VSX2: variants seen among roughly 807,000 people sequenced by gnomAD.
VSX2 encodes the protein ceh-10 homeo domain containing homolog.
Under a neutral mutation model 32.1 loss-of-function variants are expected in VSX2, and 28 were observed. That is an observed-to-expected ratio of 0.87 (90% CI 0.65 to 1.20). VSX2 has a LOEUF of 1.20. Among genes scored for constraint, VSX2 ranks in the 50% most tolerant of loss-of-function variants. VSX2 has a pLI of 0.00. For synonymous variants in VSX2, 243 were observed against 214.1 expected (o/e 1.14, Z -1.18); for missense variants, 506 against 488.7 (o/e 1.04, Z -0.33).
Position 74,256,130 on chromosome 14 carries a change from A to AT in VSX2, c.580-3470dup, listed in dbSNP as rs1338570933. Reference sequence around the variant, plus strand: ...TGCAAAAGTCATTGCGGTTTTTGCCATTGAAAGTAATTACTTTTGGCCAGG... The same window carrying AT: ...TGCAAAAGTCATTGCGGTTTTTGCCATTTGAAAGTAATTACTTTTGGCCAGG... On this transcript the variant is annotated intron_variant, in intron 3 of 4. Coordinates refer to ENST00000261980, the MANE Select transcript of VSX2 (RefSeq NM_182894.3). Among the ~76,000 whole-genome samples the AT allele has an allele frequency of 8.5e-5, 13 of 152,092 alleles. 1 individual carries two copies. Among genetic ancestry groups the AT allele is most frequent in the Middle Eastern group, 6.3e-3 (2 of 316 alleles).
In VSX2 at chr14:74,261,045, C is replaced by G; in HGVS notation, c.*126C>G. The G allele has an allele frequency of 5.3e-6, 6 of 1,132,456 alleles. No homozygotes were observed. The highest frequency in any genetic ancestry group is 7.6e-6 in the Non-Finnish European group (6 of 790,974). The allele number at this position is 1,132,456 out of a possible 1,614,324, so 70.2% of individuals were successfully genotyped here. A position where few individuals can be genotyped will look rare whatever the true frequency, so the allele number is the denominator to read the frequency against. On this transcript the variant is annotated 3_prime_UTR_variant, in exon 5 of 5. Coordinates refer to ENST00000261980, the MANE Select transcript of VSX2 (RefSeq NM_182894.3). ...GCCATCCTCCCTGTTCCCCACAGGT[C>G]CTCCATCACCCCTGGTGGCTGCAGG...
intron 3 of VSX2, among the ~76,000 whole-genome samples, chr14:74,247,009 G>A (rs2079196484): frequency 6.6e-6 from 1 of 152,136 alleles, no homozygotes; most frequent in African/African-American, 2.4e-5. Context: ...AGAACCAGCA[G>A]GAAGGAGCTT....
chr14:74,244,912 GTGTGTGTGTGTGTGTGTGAA>G (rs2079176124), intron 2 of VSX2, among the ~76,000 whole-genome samples: 4 of 118,108 alleles, frequency 3.4e-5, no homozygotes, highest in Admixed American at 8.7e-5. Context: ...GTGTGTGTGT[GTGTGTGTGTGTGTGTGTGAA>G]AGAGAGAGAG....
intron 3 of VSX2, among the ~76,000 whole-genome samples, chr14:74,250,203 C>T (rs1170183907): frequency 6.6e-6 from 1 of 151,694 alleles, no homozygotes; most frequent in Admixed American, 6.6e-5. Flanking sequence ...TGCTACTGCA[C>T]CTCAGCCTGG....
chr14:74,261,075 G>T lies in VSX2; in HGVS notation c.*156G>T. On this transcript the variant is annotated 3_prime_UTR_variant, in exon 5 of 5. Transcript: ENST00000261980. ...ATCACCCCTGGTGGCTGCAGGCACC[G>T]CTGGGTTCTGACTCTGGACCATGCT... is the stretch of plus-strand genomic sequence containing the variant. 1.2e-6 allele frequency: 1 copy of T among 829,752 alleles called. No homozygotes were observed. The highest frequency in any genetic ancestry group is 1.9e-6 in the Non-Finnish European group (1 of 530,238). The allele number at this position is 829,752 out of a possible 1,614,324, so 51.4% of individuals were successfully genotyped here. A position where few individuals can be genotyped will look rare whatever the true frequency, so the allele number is the denominator to read the frequency against.
Position 74,245,963 on chromosome 14 carries a change from T to C in VSX2, c.579+675T>C, listed in dbSNP as rs114173736. Among the ~76,000 whole-genome samples the C allele has an allele frequency of 3.2e-3, 480 of 152,356 alleles. 4 individuals carry two copies. The highest frequency in any genetic ancestry group is 0.011 in the African/African-American group (454 of 41,582). On this transcript the variant is annotated intron_variant, in intron 3 of 4. Coordinates refer to ENST00000261980, the MANE Select transcript of VSX2 (RefSeq NM_182894.3). ...GCAGTTTTGTGGCATAACTAGCCACTGATCTGGGCATGTGGTAGGCATGGG... is the reference window on the plus strand; with the variant it reads ...GCAGTTTTGTGGCATAACTAGCCACCGATCTGGGCATGTGGTAGGCATGGG...
intron 1 of VSX2, among the ~76,000 whole-genome samples, chr14:74,240,350 C>A (rs1273338650): frequency 6.6e-6 from 1 of 152,192 alleles, no homozygotes; most frequent in Non-Finnish European, 1.5e-5. Flanking sequence ...CCGGCTCCGG[C>A]CCCATCCCTG....
intron 3 of VSX2, among the ~76,000 whole-genome samples, chr14:74,256,817 G>T (rs2079266386): frequency 6.6e-6 from 1 of 151,778 alleles, no homozygotes; most frequent in African/African-American, 2.4e-5. Context: ...GGGATTACAG[G>T]TGTGCGCCAC....
At chr14:74,244,916 GTGTGT>G (rs2079176431) in intron 2 of VSX2, among the ~76,000 whole-genome samples, 5 of 110,344 alleles carry the variant, frequency 4.5e-5, no homozygotes, top group South Asian at 3.1e-4. Flanking sequence ...GTGTGTGTGT[GTGTGT>G]GTGTGTGTGA....
chr14:74,253,213 C>G (rs904833343), intron 3 of VSX2, among the ~76,000 whole-genome samples: 1 of 152,078 alleles, frequency 6.6e-6, no homozygotes, highest in African/African-American at 2.4e-5. Flanking sequence ...AGGCAGGGCT[C>G]TAGTCCTCGC....
At position 74,239,493 on chromosome 14, in the gene VSX2, C is replaced by G. The variant is rs973137619; in HGVS notation, c.-69C>G. The G allele has an allele frequency of 2.2e-5, 34 of 1,546,050 alleles. No individual in the cohort carries two copies. In the African/African-American group the frequency reaches 4.7e-4, roughly 21 times the overall value. On this transcript the variant is annotated 5_prime_UTR_variant, in exon 1 of 5. Transcript: ENST00000261980. The stretch of plus-strand genomic sequence containing the variant: ...GGCACCTGGGACCAACTTCGCGAAG[C>G]GGGAAGCCCGGCGGGGGGGTGGGGG...
At chr14:74,244,992 G>C (rs1415458471) in intron 2 of VSX2, among the ~76,000 whole-genome samples, 173 bp from the exon 3 acceptor site, 7 of 130,266 alleles carry the variant, frequency 5.4e-5, no homozygotes, top group Non-Finnish European at 5.0e-5. Context: ...GAGAGAGAGA[G>C]AGAGAGAGAG....
At chr14:74,242,600 T>C (rs1239208247) in intron 2 of VSX2, among the ~76,000 whole-genome samples, 5 of 144,446 alleles carry the variant, frequency 3.5e-5, no homozygotes. Flanking sequence ...AAAATTTTTT[T>C]GGTCTTGATC....
intron 3 of VSX2, among the ~76,000 whole-genome samples, chr14:74,246,340 C>T (rs182379356): frequency 8.8e-4 from 134 of 152,178 alleles, no homozygotes; most frequent in African/African-American, 3.0e-3. Context: ...CCTGGGAGGC[C>T]GGGGGAGCCA....
chr14:74,259,506 T>G, intron 3 of VSX2, 96 bp from the exon 4 acceptor site: 1 of 1,518,024 alleles, frequency 6.6e-7, no homozygotes, highest in Non-Finnish European at 9.1e-7. Context: ...AAGGACGCCC[T>G]GCTGGAGAAA....
intron 3 of VSX2, among the ~76,000 whole-genome samples, chr14:74,249,868 TG>T (rs1160905775): frequency 6.6e-6 from 1 of 151,828 alleles, no homozygotes; most frequent in East Asian, 1.9e-4. Flanking sequence ...GGGCTGGAGG[TG>T]GAGGATTATG....
At chr14:74,250,627 TAAG>T (rs2079222219) in intron 3 of VSX2, among the ~76,000 whole-genome samples, 1 of 152,018 alleles carries the variant, frequency 6.6e-6, no homozygotes, top group East Asian at 1.9e-4. Flanking sequence ...ATTCCAGAAT[TAAG>T]AAGATGGGTG....
rs566701576 is a variant in VSX2, at chr14:74,257,428, G to A, written c.580-2174G>A. ...AAAGTGCTGCCCAAACGGGGATGGA[G>A]CCACCCGGGGCGGGAGAGGCCGGGG... On this transcript the variant is annotated intron_variant, in intron 3 of 4. Transcript: ENST00000261980. Among the ~76,000 whole-genome samples the A allele has an allele frequency of 2.3e-4, 35 of 152,384 alleles. No homozygotes were observed. The South Asian group carries it at 7.2e-3, about 32-fold the overall frequency.
intron 3 of VSX2, among the ~76,000 whole-genome samples, chr14:74,256,650 G>A (rs1282673756): frequency 2.0e-5 from 3 of 150,484 alleles, no homozygotes; most frequent in Non-Finnish European, 4.4e-5. Context: ...CTGAGAGGTG[G>A]ATAAAACCGG....
Sources: gnomAD v4.1 joint callset for allele counts (sites outside exome capture counted in the v4.1 genomes callset) on GRCh38, gnomAD v4.1.1 for gene constraint, MANE v1.5 for transcripts, NCBI Gene and HGNC (gene_info 2026-07-23, HGNC 2026-07-21) for gene names.